The following ST6GALNAC3 variants were observed in gnomAD, a reference collection of about 807,000 sequenced individuals.
ST6GALNAC3 encodes alpha-N-acetylgalactosaminide alpha-2,6-sialyltransferase 3.
In ST6GALNAC3, 25 loss-of-function variants were observed where a neutral mutation model predicts 32.7. The observed-to-expected ratio is 0.76, with a 90% confidence interval of 0.56 to 1.07. The LOEUF is 1.07. ST6GALNAC3 is among the 50% of genes least tolerant of loss of function. The pLI is 0.00. For synonymous variants in ST6GALNAC3, 129 were observed against 133.1 expected, an observed-to-expected ratio of 0.97 and a Z score of 0.21; for missense variants, 355 against 382.4, an observed-to-expected ratio of 0.93 and a Z score of 0.60.
At chr1:76,387,084 G>A (rs1273000031) in intron 2 of ST6GALNAC3, among the ~76,000 whole-genome samples, 2 of 152,098 alleles carry the variant, frequency 1.3e-5, no homozygotes, top group Non-Finnish European at 2.9e-5. Context: ...AAGTTCCCAA[G>A]ATTGTTACTT....
intron 1 of ST6GALNAC3, among the ~76,000 whole-genome samples, chr1:76,261,958 A>G (rs1658264000): frequency 6.6e-6 from 1 of 152,222 alleles, no homozygotes; most frequent in South Asian, 2.1e-4. Context: ...AAATAGTTTT[A>G]CCAAGGAAAT....
chr1:76,424,540 T>C (rs1655243350), intron 3 of ST6GALNAC3, among the ~76,000 whole-genome samples: 1 of 151,958 alleles, frequency 6.6e-6, no homozygotes, highest in Non-Finnish European at 1.5e-5. Flanking sequence ...TGGTGCTCAA[T>C]AGGAGTAACC....
Position 76,107,575 on chromosome 1 carries a change from T to C in ST6GALNAC3, c.18+32691T>C, listed in dbSNP as rs1022194685. Among the ~76,000 whole-genome samples, 5 of 152,372 alleles carry C rather than the reference T, an allele frequency of 3.3e-5. No homozygotes were observed. In the South Asian group the frequency reaches 6.2e-4, roughly 19 times the overall value. On this transcript the variant is annotated intron_variant, in intron 1 of 4. Coordinates refer to ENST00000328299, the MANE Select transcript of ST6GALNAC3 (RefSeq NM_152996.4). Reference sequence around the variant, plus strand: ...ATTATCTTTGTCTTATTATTCATAGTACACAGGGGCTTTTTTTCTTCCTAC... The same window carrying C: ...ATTATCTTTGTCTTATTATTCATAGCACACAGGGGCTTTTTTTCTTCCTAC...
chr1:76,094,021 A>G (rs1028975958), intron 1 of ST6GALNAC3, among the ~76,000 whole-genome samples: 1 of 152,218 alleles, frequency 6.6e-6, no homozygotes, highest in African/African-American at 2.4e-5. Flanking sequence ...GTTCATCCCA[A>G]CTAAGAACTT....
At position 76,132,756 on chromosome 1, in the gene ST6GALNAC3, G is replaced by A. The variant is rs1437997181; in HGVS notation, c.18+57872G>A. The stretch of plus-strand genomic sequence containing the variant: ...ACCACCTCGCTCATTGTCATCCCAG[G>A]GACAGAAGAAGGGACAAGGAAGTCT... On this transcript the variant is annotated intron_variant, in intron 1 of 4. Coordinates refer to ENST00000328299, the MANE Select transcript of ST6GALNAC3 (RefSeq NM_152996.4). Among the ~76,000 whole-genome samples, 6 of 152,116 alleles carry A rather than the reference G, an allele frequency of 3.9e-5. No homozygotes were observed. The East Asian group carries it at 1.2e-3, about 29-fold the overall frequency.
At chr1:76,499,982 T>G (rs1178168578) in intron 3 of ST6GALNAC3, among the ~76,000 whole-genome samples, 2 of 152,118 alleles carry the variant, frequency 1.3e-5, no homozygotes, top group Non-Finnish European at 2.9e-5. Context: ...CATTATGCTC[T>G]AATAGAAAGT....
intron 3 of ST6GALNAC3, among the ~76,000 whole-genome samples, chr1:76,624,171 C>T (rs1420013964): frequency 6.6e-6 from 1 of 151,896 alleles, no homozygotes; most frequent in Non-Finnish European, 1.5e-5. Context: ...TCAAATGCAA[C>T]ACATCTTGTT....
chr1:76,474,209 A>G (rs534809348), intron 3 of ST6GALNAC3, among the ~76,000 whole-genome samples: 2 of 152,330 alleles, frequency 1.3e-5, no homozygotes, highest in South Asian at 4.1e-4. Flanking sequence ...CACTTTAAGC[A>G]GAATAGTTTT....
intron 1 of ST6GALNAC3, among the ~76,000 whole-genome samples, chr1:76,194,142 A>T (rs1654061986): frequency 6.6e-6 from 1 of 152,194 alleles, no homozygotes. Context: ...TCAAGGTCAC[A>T]TGAGTAAGTG....
chr1:76,559,097 T>C (rs574029777), intron 3 of ST6GALNAC3, among the ~76,000 whole-genome samples: 1 of 152,292 alleles, frequency 6.6e-6, no homozygotes, highest in Non-Finnish European at 1.5e-5. Flanking sequence ...ATCTTTTTCC[T>C]TTTTCTCTCT....
intron 1 of ST6GALNAC3, among the ~76,000 whole-genome samples, chr1:76,269,483 G>A (rs1658717428): frequency 6.6e-6 from 1 of 152,220 alleles, no homozygotes. Context: ...GAAATACAGA[G>A]TCTTAGGCAA....
intron 2 of ST6GALNAC3, among the ~76,000 whole-genome samples, chr1:76,364,226 A>G (rs1650188733): frequency 6.6e-6 from 1 of 152,194 alleles, no homozygotes; most frequent in South Asian, 2.1e-4. Flanking sequence ...CTTTGAAGAG[A>G]ATTACTAAGA....
intron 2 of ST6GALNAC3, among the ~76,000 whole-genome samples, chr1:76,358,555 T>C (rs4638174): frequency 0.58 from 87,513 of 151,946 alleles, 26,522 homozygotes; most frequent in Non-Finnish European, 0.67. Flanking sequence ...TAGGACACCA[T>C]TGTCCCTTGC....
At chr1:76,505,559 C>A (rs74089985) in intron 3 of ST6GALNAC3, among the ~76,000 whole-genome samples, 10,515 of 152,214 alleles carry the variant, frequency 0.069, 1,223 homozygotes, top group African/African-American at 0.24. Context: ...CCAAGCAAAA[C>A]CTAGACAGGG....
At chr1:76,498,409 G>C (rs958283116) in intron 3 of ST6GALNAC3, among the ~76,000 whole-genome samples, 3 of 152,114 alleles carry the variant, frequency 2.0e-5, no homozygotes, top group African/African-American at 7.2e-5. Flanking sequence ...GAGACAAATG[G>C]GGAGCTTTCC....
At chr1:76,245,350 C>G (rs191427813) in intron 1 of ST6GALNAC3, among the ~76,000 whole-genome samples, 1 of 151,748 alleles carries the variant, frequency 6.6e-6, no homozygotes, top group Non-Finnish European at 1.5e-5. Flanking sequence ...AGCTAGTGGT[C>G]TATTTTTGTT....
intron 1 of ST6GALNAC3, among the ~76,000 whole-genome samples, chr1:76,164,591 T>G (rs1455180191): frequency 6.6e-6 from 1 of 152,234 alleles, no homozygotes; most frequent in Non-Finnish European, 1.5e-5. Flanking sequence ...GTCCAGTGAT[T>G]ACTTGGTTGG....
At chr1:76,586,827 G>A (rs1241145217) in intron 3 of ST6GALNAC3, among the ~76,000 whole-genome samples, 4 of 152,174 alleles carry the variant, frequency 2.6e-5, no homozygotes, top group Admixed American at 2.6e-4. Flanking sequence ...TAGAAACTAT[G>A]GTCTTCTTGG....
At chr1:76,280,435 T>G (rs1320886268) in intron 1 of ST6GALNAC3, among the ~76,000 whole-genome samples, 1 of 152,190 alleles carries the variant, frequency 6.6e-6, no homozygotes, top group African/African-American at 2.4e-5. Flanking sequence ...CATAGTACTT[T>G]CAGCATTTAT....
Sources: gnomAD v4.1 joint callset for allele counts (sites outside exome capture counted in the v4.1 genomes callset) on GRCh38, gnomAD v4.1.1 for gene constraint, MANE v1.5 for transcripts, NCBI Gene and HGNC (gene_info 2026-07-23, HGNC 2026-07-21) for gene names.